Variants in RHOBTB1 observed in about 807,000 individuals in gnomAD.
The protein encoded by RHOBTB1 is Rho related BTB domain containing 1, also known as rho-related BTB domain-containing protein 1.
Under a neutral mutation model 71.6 loss-of-function variants are expected in RHOBTB1, and 40 were observed. The ratio of observed to expected loss-of-function variants is 0.56; its 90% CI spans 0.43 to 0.73. The LOEUF (loss-of-function observed/expected upper bound fraction) is 0.73. RHOBTB1 is among the 30% of genes least tolerant of loss of function. The pLI is 0.00. For synonymous variants in RHOBTB1, 319 were observed against 334.9 expected, an observed-to-expected ratio of 0.95 and a Z score of 0.52; for missense variants, 797 against 894.0, an observed-to-expected ratio of 0.89 and a Z score of 1.38.
intron 4 of RHOBTB1, among the ~76,000 whole-genome samples, chr10:60,907,441 T>C (rs539476642): frequency 3.2e-4 from 48 of 152,180 alleles, no homozygotes; most frequent in Non-Finnish European, 6.0e-4. Context: ...TATGGTTTTG[T>C]TCCTGACATT....
At chr10:60,878,909 C>T (rs2132341050) in intron 7 of RHOBTB1, among the ~76,000 whole-genome samples, 1 of 152,254 alleles carries the variant, frequency 6.6e-6, no homozygotes, top group Non-Finnish European at 1.5e-5. Context: ...ATGAGACAGG[C>T]CCTGGAGTAG....
At chr10:60,913,298 TG>T (rs1459223573) in intron 2 of RHOBTB1, among the ~76,000 whole-genome samples, 1 of 152,138 alleles carries the variant, frequency 6.6e-6, no homozygotes, top group Non-Finnish European at 1.5e-5. Context: ...GGAACAGATA[TG>T]TGCTTAGGTT....
At chr10:61,000,918 G>A (rs894188740) in intron 1 of RHOBTB1, among the ~76,000 whole-genome samples, 2 of 152,212 alleles carry the variant, frequency 1.3e-5, no homozygotes, top group African/African-American at 4.8e-5. Context: ...CCGGGCATGA[G>A]GAGCTGCAGA....
At chr10:60,938,682 C>T (rs1195348594) in intron 2 of RHOBTB1, among the ~76,000 whole-genome samples, 2 of 152,188 alleles carry the variant, frequency 1.3e-5, no homozygotes, top group African/African-American at 4.8e-5. Flanking sequence ...ACTCCGACAT[C>T]TGCAAGAGTA....
intron 4 of RHOBTB1, among the ~76,000 whole-genome samples, chr10:60,904,749 CA>C (rs2082581035): frequency 6.6e-6 from 1 of 152,170 alleles, no homozygotes; most frequent in South Asian, 2.1e-4. Context: ...CTGCTCTGTT[CA>C]AATAGGAGAG....
At chr10:60,884,531 A>G (rs2081477043) in intron 7 of RHOBTB1, among the ~76,000 whole-genome samples, 1 of 152,302 alleles carries the variant, frequency 6.6e-6, no homozygotes, top group African/African-American at 2.4e-5. Context: ...AAGAGGCTGT[A>G]CTCCCATGTT....
chr10:60,890,236 T>C (rs1191143350), intron 5 of RHOBTB1, among the ~76,000 whole-genome samples: 1 of 152,050 alleles, frequency 6.6e-6, no homozygotes, highest in African/African-American at 2.4e-5. Flanking sequence ...CTCCAATCCC[T>C]TCTTCAAGCC....
intron 4 of RHOBTB1, among the ~76,000 whole-genome samples, chr10:60,894,514 C>A (rs149837891): frequency 1.4e-4 from 21 of 152,222 alleles, no homozygotes; most frequent in Admixed American, 1.3e-3. Flanking sequence ...AAATATTCTG[C>A]GCTCAGTCTT....
At chr10:60,994,608 T>TTA (rs2086982622) in intron 1 of RHOBTB1, among the ~76,000 whole-genome samples, 4 of 152,128 alleles carry the variant, frequency 2.6e-5, no homozygotes, top group Non-Finnish European at 4.4e-5. Flanking sequence ...TTTTCTAATG[T>TTA]GAGGGAAAGA....
At chr10:60,979,123 G>A (rs1174153992) in intron 2 of RHOBTB1, among the ~76,000 whole-genome samples, 1 of 152,128 alleles carries the variant, frequency 6.6e-6, no homozygotes, top group East Asian at 1.9e-4. Context: ...CTAGGAACAT[G>A]TATGCTAGGA....
At chr10:60,925,663 T>A (rs964543713) in intron 2 of RHOBTB1, among the ~76,000 whole-genome samples, 64 of 151,772 alleles carry the variant, frequency 4.2e-4, no homozygotes, top group African/African-American at 1.4e-3. Flanking sequence ...AATGGACAAA[T>A]CTTTAGCCAG....
intron 2 of RHOBTB1, among the ~76,000 whole-genome samples, chr10:60,974,246 G>A (rs2086248470): frequency 6.6e-6 from 1 of 151,670 alleles, no homozygotes; most frequent in East Asian, 1.9e-4. Context: ...ATGTATACTT[G>A]GAAACAAAAC....
At chr10:60,874,352 T>C (rs552655077) in intron 9 of RHOBTB1, among the ~76,000 whole-genome samples, 1 of 152,332 alleles carries the variant, frequency 6.6e-6, no homozygotes, top group South Asian at 2.1e-4. Flanking sequence ...GAATAATCTG[T>C]AAGGTTGGTA....
At chr10:60,896,709 A>C (rs2082176945) in intron 4 of RHOBTB1, among the ~76,000 whole-genome samples, 1 of 152,244 alleles carries the variant, frequency 6.6e-6, no homozygotes, top group Non-Finnish European at 1.5e-5. Flanking sequence ...TCTTAGGGAA[A>C]AATGACTTCT....
chr10:60,989,361 C>A (rs918824404), intron 1 of RHOBTB1, among the ~76,000 whole-genome samples: 2 of 152,172 alleles, frequency 1.3e-5, no homozygotes, highest in African/African-American at 4.8e-5. Flanking sequence ...TATTTCATTG[C>A]ATAAGTATAT....
intron 2 of RHOBTB1, among the ~76,000 whole-genome samples, chr10:60,960,797 G>T (rs1464202242): frequency 2.6e-5 from 4 of 152,134 alleles, no homozygotes; most frequent in Non-Finnish European, 5.9e-5. Context: ...GCTGCCTCTT[G>T]GCAGCTACCT....
At chr10:60,909,013 C>T (rs2082827741) in intron 4 of RHOBTB1, among the ~76,000 whole-genome samples, 1 of 152,106 alleles carries the variant, frequency 6.6e-6, no homozygotes, top group African/African-American at 2.4e-5. Context: ...ATGTTACAGA[C>T]AAGGGAGCAG....
intron 2 of RHOBTB1, among the ~76,000 whole-genome samples, chr10:60,949,249 C>G (rs1005148748): frequency 3.9e-5 from 6 of 152,292 alleles, no homozygotes; most frequent in African/African-American, 1.4e-4. Flanking sequence ...AGATGATGTC[C>G]AGCCTTCCAT....
intron 2 of RHOBTB1, among the ~76,000 whole-genome samples, chr10:60,917,994 A>AT (rs1224100872): frequency 6.6e-6 from 1 of 152,020 alleles, no homozygotes; most frequent in Non-Finnish European, 1.5e-5. Context: ...CCATACACAC[A>AT]TTTTTTTCTT....
Sources: allele counts gnomAD v4.1 joint callset (sites outside exome capture counted in the v4.1 genomes callset), GRCh38; gene constraint gnomAD v4.1.1; transcripts MANE v1.5; gene names NCBI Gene and HGNC (gene_info 2026-07-23, HGNC 2026-07-21).